Variants in INPP4B observed in about 807,000 individuals in gnomAD.
INPP4B encodes inositol polyphosphate-4-phosphatase type II B.
In INPP4B, 55 loss-of-function variants were observed where a neutral mutation model predicts 122.5. The observed-to-expected ratio is 0.45, with a 90% CI of 0.36 to 0.56. The LOEUF (loss-of-function observed/expected upper bound fraction) is 0.56. Among genes scored for constraint, INPP4B ranks in the 20% least tolerant of loss-of-function variants. The probability of loss-of-function intolerance (pLI) is 0.00; values close to 1 mark genes in which losing one functional copy is unlikely to be tolerated. For synonymous variants in INPP4B, 403 were observed against 388.7 expected, an observed-to-expected ratio of 1.04 and a Z score of -0.43; for missense variants, 1,000 against 1,097.7, an observed-to-expected ratio of 0.91 and a Z score of 1.26.
intron 2 of INPP4B, among the ~76,000 whole-genome samples, chr4:142,470,688 T>C (rs1042046619): frequency 6.6e-6 from 1 of 152,220 alleles, no homozygotes; most frequent in Non-Finnish European, 1.5e-5. Context: ...AATAAATATG[T>C]CGAATGTTGA....
At chr4:142,383,789 G>A in intron 7 of INPP4B, 1 of 357,060 alleles carries the variant, frequency 2.8e-6, no homozygotes, top group Non-Finnish European at 5.0e-6. Flanking sequence ...AGGCAGGAGG[G>A]AAAGGAGAGG....
At chr4:142,327,200 G>A (rs763390367) in intron 7 of INPP4B, among the ~76,000 whole-genome samples, 3 of 152,104 alleles carry the variant, frequency 2.0e-5, no homozygotes, top group Admixed American at 2.0e-4. Context: ...ACAGAAAACA[G>A]CAATATGAAC....
intron 2 of INPP4B, among the ~76,000 whole-genome samples, chr4:142,659,650 G>C (rs551237905): frequency 6.6e-6 from 1 of 152,176 alleles, no homozygotes; most frequent in South Asian, 2.1e-4. Flanking sequence ...ATCCTGCCAG[G>C]TGATGGGAAT....
chr4:142,573,131 G>A (rs78771832), intron 2 of INPP4B, among the ~76,000 whole-genome samples: 5,535 of 151,996 alleles, frequency 0.036, 148 homozygotes, highest in Non-Finnish European at 0.057. Flanking sequence ...TGGTGGAGCA[G>A]GGGAGAGAGA....
chr4:142,579,789 G>A (rs1260446112), intron 2 of INPP4B, among the ~76,000 whole-genome samples: 8 of 151,010 alleles, frequency 5.3e-5, no homozygotes, highest in Admixed American at 1.3e-4. Context: ...TCAGATAATC[G>A]TGGGACTTGC....
chr4:142,231,250 G>A (rs1337672427), intron 12 of INPP4B, among the ~76,000 whole-genome samples: 3 of 152,218 alleles, frequency 2.0e-5, no homozygotes, highest in Non-Finnish European at 2.9e-5. Flanking sequence ...TTGCTGCGCC[G>A]TTATGTCCCT....
At chr4:142,062,166 T>C (rs1458304757) in intron 25 of INPP4B, among the ~76,000 whole-genome samples, 1 of 152,050 alleles carries the variant, frequency 6.6e-6, no homozygotes, top group Non-Finnish European at 1.5e-5. Flanking sequence ...CAGAAAAGCA[T>C]ATCTCCTTGC....
intron 2 of INPP4B, among the ~76,000 whole-genome samples, chr4:142,699,374 C>T (rs1270955008): frequency 6.6e-6 from 1 of 152,106 alleles, no homozygotes; most frequent in Non-Finnish European, 1.5e-5. Context: ...TTGCATTCAG[C>T]CATATCTTTA....
At position 142,405,253 on chromosome 4, in the gene INPP4B, G is replaced by A. The variant is rs1172654038; in HGVS notation, c.208C>T (p.Pro70Ser). Residue 70 changes from proline (P) to serine (S), a missense_variant, in exon 6 of 26, where the codon CCC becomes TCC. Transcript: ENST00000262992. Reference protein sequence around the residue: ...NTLVQISVIHPVEQSLTRYSS... With the variant: ...NTLVQISVIHSVEQSLTRYSS... ...TATCTTGTCAGACTCTGCTCCACGGGGTGGATTACGGAGATCTGCACCAGT... is the reference window on the plus strand; with the variant it reads ...TATCTTGTCAGACTCTGCTCCACGGAGTGGATTACGGAGATCTGCACCAGT... 1.2e-6 allele frequency: 2 copies of A among 1,612,596 alleles called. No homozygotes were observed. Among genetic ancestry groups the A allele is most frequent in the Admixed American group, 3.3e-5 (2 of 59,880 alleles).
chr4:142,349,320 G>C (rs1025908572), intron 7 of INPP4B, among the ~76,000 whole-genome samples: 1 of 151,940 alleles, frequency 6.6e-6, no homozygotes, highest in African/African-American at 2.4e-5. Flanking sequence ...CAAATGAGTG[G>C]AAAGAAAGAT....
intron 15 of INPP4B, among the ~76,000 whole-genome samples, chr4:142,182,441 G>A (rs1025331436): frequency 6.7e-6 from 1 of 150,244 alleles, no homozygotes; most frequent in Non-Finnish European, 1.5e-5. Flanking sequence ...CCAGCTACTT[G>A]AGAGGCTGAG....
At position 142,715,200 on chromosome 4, in the gene INPP4B, A is replaced by C. The variant is rs559754288; in HGVS notation, c.-191+10639T>G. Among the ~76,000 whole-genome samples, 10 of 152,344 alleles carry C rather than the reference A, an allele frequency of 6.6e-5. No individual in the cohort carries two copies. In the South Asian group the frequency reaches 2.1e-3, roughly 32 times the overall value. ...TTTAAAGGATTTAGCCTTGGGCCAC[A>C]TGTGTGATTTGCAAATTGGAGCAGT... On this transcript the variant is annotated intron_variant, in intron 2 of 25. Coordinates refer to ENST00000262992, the MANE Select transcript of INPP4B (RefSeq NM_001101669.3).
chr4:142,101,068 A>G (rs1486612363), intron 23 of INPP4B, among the ~76,000 whole-genome samples: 6 of 152,116 alleles, frequency 3.9e-5, no homozygotes, highest in Admixed American at 1.3e-4. Context: ...GAAGTCTGGG[A>G]ATCCAGGCTC....
intron 2 of INPP4B, chr4:142,560,454 C>T (rs890550534): frequency 4.6e-5 from 7 of 152,200 alleles, no homozygotes; most frequent in Non-Finnish European, 8.8e-5. Context: ...AGAATTGACT[C>T]ACACGATCAC....
At chr4:142,508,117 C>T (rs1365468391) in intron 2 of INPP4B, among the ~76,000 whole-genome samples, 2 of 152,060 alleles carry the variant, frequency 1.3e-5, no homozygotes, top group African/African-American at 2.4e-5. Flanking sequence ...GATCTAGGGG[C>T]CATCTTTTTG....
chr4:142,746,125 A>G (rs1000821110), intron 1 of INPP4B, among the ~76,000 whole-genome samples: 16 of 152,020 alleles, frequency 1.1e-4, no homozygotes, highest in African/African-American at 3.4e-4. Flanking sequence ...ACTATACTCA[A>G]CAAATACTAC....
At chr4:142,233,485 G>A (rs186828616) in intron 12 of INPP4B, among the ~76,000 whole-genome samples, 30 of 152,216 alleles carry the variant, frequency 2.0e-4, no homozygotes, top group African/African-American at 6.3e-4. Flanking sequence ...TTCCAGTTTG[G>A]ATTTCCAAGC....
At chr4:142,029,711 A>G in intron 25 of INPP4B, 1 of 989,488 alleles carries the variant, frequency 1.0e-6, no homozygotes, top group African/African-American at 1.7e-5. Context: ...CTATGATATT[A>G]GCACAGTGGA....
At chr4:142,094,855 C>A (rs1781162557) in intron 23 of INPP4B, among the ~76,000 whole-genome samples, 1 of 152,072 alleles carries the variant, frequency 6.6e-6, no homozygotes, top group Non-Finnish European at 1.5e-5. Flanking sequence ...TTAATAATTT[C>A]TGAGGTATTA....
Sources: gnomAD v4.1 joint callset for allele counts (sites outside exome capture counted in the v4.1 genomes callset) on GRCh38, gnomAD v4.1.1 for gene constraint, MANE v1.5 for transcripts, NCBI Gene and HGNC (gene_info 2026-07-23, HGNC 2026-07-21) for gene names.